The following MOB3B variants were observed in gnomAD, a reference collection of about 807,000 sequenced individuals.
The protein encoded by MOB3B is MOB kinase activator-like 2B.
A neutral mutation model predicts 18.7 loss-of-function variants in MOB3B; 7 were observed. The observed-to-expected ratio is 0.37, with a 90% CI of 0.21 to 0.70. The LOEUF (loss-of-function observed/expected upper bound fraction) is 0.70. MOB3B is among the 30% of genes least tolerant of loss of function. The pLI is 0.52. For synonymous variants in MOB3B, 111 were observed against 99.9 expected, an observed-to-expected ratio of 1.11 and a Z score of -0.66; for missense variants, 253 against 281.3, an observed-to-expected ratio of 0.90 and a Z score of 0.72.
intron 2 of MOB3B, among the ~76,000 whole-genome samples, chr9:27,440,460 A>C (rs1822576679): frequency 6.6e-6 from 1 of 151,888 alleles, no homozygotes; most frequent in Non-Finnish European, 1.5e-5. Context: ...AAGAATACGT[A>C]TCAATGGATG....
intron 2 of MOB3B, among the ~76,000 whole-genome samples, chr9:27,370,639 G>C (rs147735722): frequency 1.3e-3 from 197 of 152,316 alleles, no homozygotes; most frequent in African/African-American, 4.1e-3. Context: ...GAATCTGTCA[G>C]TGCCTTGATC....
intron 3 of MOB3B, among the ~76,000 whole-genome samples, chr9:27,334,719 C>T (rs988756210): frequency 2.0e-5 from 3 of 152,226 alleles, no homozygotes; most frequent in Admixed American, 2.0e-4. Context: ...ATGACTTATT[C>T]CAAGTCACAC....
At chr9:27,398,136 T>C (rs769716612) in intron 2 of MOB3B, among the ~76,000 whole-genome samples, 5 of 152,192 alleles carry the variant, frequency 3.3e-5, no homozygotes, top group Non-Finnish European at 7.3e-5. Context: ...TCACACAGCA[T>C]CCCGGGGAGG....
At chr9:27,471,430 T>C (rs753084882) in intron 1 of MOB3B, among the ~76,000 whole-genome samples, 1 of 152,228 alleles carries the variant, frequency 6.6e-6, no homozygotes, top group Non-Finnish European at 1.5e-5. Context: ...GCTAGTTCAA[T>C]GAACCACCCC....
At chr9:27,453,358 A>G (rs1822822133) in intron 2 of MOB3B, among the ~76,000 whole-genome samples, 1 of 152,170 alleles carries the variant, frequency 6.6e-6, no homozygotes, top group South Asian at 2.1e-4. Flanking sequence ...TATGCAATGG[A>G]GGCTAGATGG....
chr9:27,472,050 A>C (rs1819480626), intron 1 of MOB3B, among the ~76,000 whole-genome samples: 1 of 152,180 alleles, frequency 6.6e-6, no homozygotes, highest in Non-Finnish European at 1.5e-5. Flanking sequence ...TGTTAAAAAT[A>C]GAAGAAACCA....
chr9:27,422,426 G>T (rs1822269195), intron 2 of MOB3B, among the ~76,000 whole-genome samples: 1 of 152,138 alleles, frequency 6.6e-6, no homozygotes, highest in Non-Finnish European at 1.5e-5. Flanking sequence ...ACCTATCTTG[G>T]TTCCACCTCT....
chr9:27,386,878 A>C (rs865978619), intron 2 of MOB3B, among the ~76,000 whole-genome samples: 1 of 152,206 alleles, frequency 6.6e-6, no homozygotes, highest in Middle Eastern at 3.2e-3. Context: ...AGTTTCTGGA[A>C]GAAGTGTGAG....
At chr9:27,435,681 C>T (rs780844338) in intron 2 of MOB3B, among the ~76,000 whole-genome samples, 3 of 152,268 alleles carry the variant, frequency 2.0e-5, no homozygotes, top group Middle Eastern at 3.4e-3. Context: ...CTCACTGCCA[C>T]CTCCACCTCC....
chr9:27,418,823 A>T lies in MOB3B; in HGVS notation c.418+36310T>A, dbSNP rs114837007. Among the ~76,000 whole-genome samples, 4 of 152,208 alleles carry T rather than the reference A, an allele frequency of 2.6e-5. No individual in the cohort carries two copies. In the East Asian group the frequency reaches 7.7e-4, roughly 29 times the overall value. ...ACTCCTCTTCAGACAAGAGAAAGAA[A>T]TAAAGGCCATCCAAATCGGTAAAGA... On this transcript the variant is annotated intron_variant, in intron 2 of 3. Transcript: ENST00000262244.
At chr9:27,369,239 G>T (rs1476879330) in intron 2 of MOB3B, among the ~76,000 whole-genome samples, 1 of 152,106 alleles carries the variant, frequency 6.6e-6, no homozygotes, top group Non-Finnish European at 1.5e-5. Context: ...TTGAAAGCCA[G>T]GTTCTTTGTC....
intron 2 of MOB3B, among the ~76,000 whole-genome samples, chr9:27,405,851 G>T (rs2131396996): frequency 6.6e-6 from 1 of 152,282 alleles, no homozygotes; most frequent in Admixed American, 6.5e-5. Context: ...ACTGATGCCA[G>T]AAAAGCGTTC....
At chr9:27,435,047 TTCTCTCTCTCTCTC>T (rs60408942) in intron 2 of MOB3B, among the ~76,000 whole-genome samples, 177 of 145,980 alleles carry the variant, frequency 1.2e-3, no homozygotes, top group African/African-American at 3.5e-3. Flanking sequence ...TGTAAGGTGT[TTCTCTCTCTCTCTC>T]TCTCTCTCTC....
At chr9:27,373,013 T>G (rs138586966) in intron 2 of MOB3B, among the ~76,000 whole-genome samples, 1 of 152,236 alleles carries the variant, frequency 6.6e-6, no homozygotes, top group Non-Finnish European at 1.5e-5. Flanking sequence ...AATGTTTATA[T>G]TAAGAGTTTA....
At chr9:27,388,350 G>A (rs1346692021) in intron 2 of MOB3B, among the ~76,000 whole-genome samples, 2 of 152,154 alleles carry the variant, frequency 1.3e-5, no homozygotes, top group Non-Finnish European at 2.9e-5. Flanking sequence ...GAGCTGGCTT[G>A]GTCCCCAAGC....
chr9:27,514,345 C>CA (rs34526085), intron 1 of MOB3B, among the ~76,000 whole-genome samples: 1,856 of 77,148 alleles, frequency 0.024, 72 homozygotes, highest in African/African-American at 0.074. Flanking sequence ...ACCACAAGCT[C>CA]AAAAAAAAAA....
chr9:27,467,352 T>A lies in MOB3B; in HGVS notation c.-198-11604A>T, dbSNP rs572158342. ...CCAATATCACAGTGGGTTTTGGGGA[T>A]AAGTGAGATAATATAAGTAAAGATA... On this transcript the variant is annotated intron_variant, in intron 1 of 3. Transcript: ENST00000262244. Among the ~76,000 whole-genome samples, 53 of 152,330 alleles carry A rather than the reference T, an allele frequency of 3.5e-4. 1 individual carries two copies. Among genetic ancestry groups the A allele is most frequent in the African/African-American group, 1.3e-3 (52 of 41,580 alleles).
chr9:27,417,497 G>C (rs922719278), intron 2 of MOB3B, among the ~76,000 whole-genome samples: 2 of 152,222 alleles, frequency 1.3e-5, no homozygotes, highest in African/African-American at 4.8e-5. Flanking sequence ...TCCTTTGAGT[G>C]ATCTTATTAC....
chr9:27,422,554 C>T (rs1168149701), intron 2 of MOB3B, among the ~76,000 whole-genome samples: 2 of 152,178 alleles, frequency 1.3e-5, no homozygotes, highest in East Asian at 3.8e-4. Flanking sequence ...CAGATTTTAT[C>T]TTTGTTTTCA....
Sources: gnomAD v4.1 joint callset for allele counts (sites outside exome capture counted in the v4.1 genomes callset) on GRCh38, gnomAD v4.1.1 for gene constraint, MANE v1.5 for transcripts, NCBI Gene and HGNC (gene_info 2026-07-23, HGNC 2026-07-21) for gene names.